RIMBP2: variants seen among roughly 807,000 people sequenced by gnomAD.
The protein encoded by RIMBP2 is RIMS binding protein 2, also known as RIMS-binding protein 2.
Under a neutral mutation model 118.6 loss-of-function variants are expected in RIMBP2, and 48 were observed. The observed-to-expected ratio is 0.40, with a 90% CI of 0.32 to 0.51. The LOEUF is 0.51. RIMBP2 is among the 20% of genes least tolerant of loss of function. The pLI is 0.41. For synonymous variants in RIMBP2, 762 were observed against 742.9 expected (o/e 1.03, Z -0.42); for missense variants, 1,551 against 1,768.3 (o/e 0.88, Z 2.20).
chr12:130,622,045 T>TA lies in RIMBP2; in HGVS notation c.-217+6276dup, dbSNP rs1417703943. ...CCAACAAAATGGAATTTAAAATACA[T>TA]AATTGCTTTAGTCATGAAGAGTAAC... On this transcript the variant is annotated intron_variant, in intron 2 of 22. Transcript: ENST00000690449. The surrounding 1 kb of genome is among the most constrained non-coding windows in gnomAD (Gnocchi z 8.5). Among the ~76,000 whole-genome samples, 1 of 152,218 alleles carries TA rather than the reference T, an allele frequency of 6.6e-6. No homozygotes were observed. The highest frequency in any genetic ancestry group is 1.9e-4 in the East Asian group (1 of 5,200).
Position 130,581,158 on chromosome 12 carries a change from T to A in RIMBP2, c.-217+47164A>T, listed in dbSNP as rs2058455227. On this transcript the variant is annotated intron_variant, in intron 2 of 22. Transcript: ENST00000690449. The surrounding 1 kb of genome is among the most constrained non-coding windows in gnomAD (Gnocchi z 4.4). ...GACAGGCAGGTCCTGGACAGAGCAGTGTGTTTGTCACATACAAAAGAGACT... is the reference window on the plus strand; with the variant it reads ...GACAGGCAGGTCCTGGACAGAGCAGAGTGTTTGTCACATACAAAAGAGACT... Among the ~76,000 whole-genome samples, 1 of 152,056 alleles carries A rather than the reference T, an allele frequency of 6.6e-6. No homozygotes were observed.
chr12:130,655,219 G>T (rs148123283), intron 1 of RIMBP2, among the ~76,000 whole-genome samples: 1 of 152,186 alleles, frequency 6.6e-6, no homozygotes, highest in Admixed American at 6.5e-5. Flanking sequence ...CCTCTCCAGC[G>T]TGTAACATCG....
At chr12:130,714,751 G>A (rs186478134) in intron 1 of RIMBP2, among the ~76,000 whole-genome samples, 2 of 152,314 alleles carry the variant, frequency 1.3e-5, no homozygotes, top group African/African-American at 4.8e-5. Flanking sequence ...GTGCCCCCAG[G>A]GAACCTCCGG....
At chr12:130,598,571 AC>A (rs1199356760) in intron 2 of RIMBP2, among the ~76,000 whole-genome samples, 2 of 152,090 alleles carry the variant, frequency 1.3e-5, no homozygotes, top group Non-Finnish European at 2.9e-5. Flanking sequence ...TACTAAAAAC[AC>A]AAAAAATTAG....
chr12:130,602,921 C>T (rs1188702013), intron 2 of RIMBP2, among the ~76,000 whole-genome samples: 1 of 152,106 alleles, frequency 6.6e-6, no homozygotes, highest in Non-Finnish European at 1.5e-5. Context: ...ATTAACACAC[C>T]CCCTCCCGGA....
chr12:130,402,146 G>C (rs760444254), intron 21 of RIMBP2, among the ~76,000 whole-genome samples: 1 of 152,172 alleles, frequency 6.6e-6, no homozygotes, highest in African/African-American at 2.4e-5. Context: ...CTACCACTGC[G>C]TGCTACTGCG....
Position 130,689,303 on chromosome 12 carries a change from C to T in RIMBP2, c.-352+26919G>A, listed in dbSNP as rs113182183. On this transcript the variant is annotated intron_variant, in intron 1 of 22. Transcript: ENST00000690449. Reference sequence around the variant, plus strand: ...CAAAAATTAGCTGAGTGTGGTGGTGCGTGCCTGTAATTCCAGCTACTGGGG... The same window carrying T: ...CAAAAATTAGCTGAGTGTGGTGGTGTGTGCCTGTAATTCCAGCTACTGGGG... Among the ~76,000 whole-genome samples the T allele has an allele frequency of 9.5e-3, 1,451 of 152,126 alleles. 21 individuals carry two copies. Among genetic ancestry groups the T allele is most frequent in the African/African-American group, 0.033 (1,376 of 41,482 alleles).
Position 130,428,887 on chromosome 12 carries a change from G to A in RIMBP2, c.2254-550C>T, listed in dbSNP as rs187240118. 741 of 152,474 alleles carry A rather than the reference G, an allele frequency of 4.9e-3. 9 individuals carry two copies. The highest frequency in any genetic ancestry group is 0.017 in the African/African-American group (710 of 41,556). 9.4% of individuals were successfully genotyped at this position (152,474 alleles called of 1,614,324 possible). ...CCGAGGTGGGCAGATCACAAGGTCA[G>A]GAGATCGAGACCATCCTGGCTAACA... On this transcript the variant is annotated intron_variant, in intron 14 of 22. Transcript: ENST00000690449.
chr12:130,573,462 G>T (rs1463386088), intron 2 of RIMBP2, among the ~76,000 whole-genome samples: 6 of 152,106 alleles, frequency 3.9e-5, no homozygotes, highest in African/African-American at 1.2e-4. Flanking sequence ...GTGGGTGCAT[G>T]TGGGTGTGCA....
chr12:130,532,316 T>C (rs545219548), intron 2 of RIMBP2, among the ~76,000 whole-genome samples: 18 of 144,414 alleles, frequency 1.2e-4, no homozygotes, highest in African/African-American at 3.6e-4. Context: ...TGCGTGTGTT[T>C]AGCCTCTAGG....
At chr12:130,524,971 G>A (rs2052615966) in intron 2 of RIMBP2, among the ~76,000 whole-genome samples, 1 of 152,208 alleles carries the variant, frequency 6.6e-6, no homozygotes, top group South Asian at 2.1e-4. Context: ...CCCACGTGAG[G>A]CCCGGTGGGA....
intron 3 of RIMBP2, among the ~76,000 whole-genome samples, chr12:130,516,653 G>A (rs779065775): frequency 6.6e-6 from 1 of 152,194 alleles, no homozygotes; most frequent in Non-Finnish European, 1.5e-5. Flanking sequence ...ATGATGGAGT[G>A]GAGTGTTCTA....
intron 6 of RIMBP2, among the ~76,000 whole-genome samples, chr12:130,460,643 C>T (rs1054985634): frequency 6.6e-6 from 1 of 152,126 alleles, no homozygotes; most frequent in Non-Finnish European, 1.5e-5. Context: ...TTATCCTTCA[C>T]AGTCACAGTT....
chr12:130,639,664 G>A (rs1346089238), intron 1 of RIMBP2, among the ~76,000 whole-genome samples: 1 of 150,894 alleles, frequency 6.6e-6, no homozygotes, highest in East Asian at 1.9e-4. Context: ...GATGAGTCTG[G>A]GCAGCTCGGG....
At chr12:130,448,837 C>A (rs2078758218) in intron 9 of RIMBP2, among the ~76,000 whole-genome samples, 1 of 152,248 alleles carries the variant, frequency 6.6e-6, no homozygotes, top group African/African-American at 2.4e-5. Context: ...ACCTGAACCT[C>A]AGAAATGGGT....
At chr12:130,519,748 T>A (rs939619884) in intron 2 of RIMBP2, among the ~76,000 whole-genome samples, 1 of 151,840 alleles carries the variant, frequency 6.6e-6, no homozygotes, top group African/African-American at 2.4e-5. Context: ...GAAATAGGGG[T>A]TAGATTATGG....
chr12:130,655,717 A>G (rs1463064247), intron 1 of RIMBP2, among the ~76,000 whole-genome samples: 2 of 152,240 alleles, frequency 1.3e-5, no homozygotes. Context: ...ACACAGATAC[A>G]TATGTGCACA....
At chr12:130,464,248 T>C (rs2080257597) in intron 6 of RIMBP2, among the ~76,000 whole-genome samples, 1 of 152,262 alleles carries the variant, frequency 6.6e-6, no homozygotes, top group African/African-American at 2.4e-5. Context: ...CCAAATTCTT[T>C]CTTGCGCAAG....
At chr12:130,632,599 G>A (rs564882643) in intron 1 of RIMBP2, among the ~76,000 whole-genome samples, 54 of 152,166 alleles carry the variant, frequency 3.5e-4, no homozygotes, top group South Asian at 8.3e-4. Context: ...TCCTCGGCTC[G>A]GCCTACTCCA....
Sources: gnomAD v4.1 joint callset for allele counts (sites outside exome capture counted in the v4.1 genomes callset) on GRCh38, gnomAD v4.1.1 for gene constraint, Gnocchi (gnomAD v3.1) non-coding constraint, MANE v1.5 for transcripts, NCBI Gene and HGNC (gene_info 2026-07-23, HGNC 2026-07-21) for gene names.